Variants in MEGF10 observed in about 807,000 individuals in gnomAD.
MEGF10 encodes multiple epidermal growth factor-like domains protein 10.
In MEGF10, 86 loss-of-function variants were observed where a neutral mutation model predicts 147.5. The ratio of observed to expected loss-of-function variants is 0.58; its 90% CI spans 0.49 to 0.70. The LOEUF (loss-of-function observed/expected upper bound fraction) is 0.70, where lower values mean the gene tolerates loss of function less well. Ranked by LOEUF, MEGF10 falls within the 30% of genes least tolerant of loss-of-function variation. The pLI is 0.00. For synonymous variants in MEGF10, 478 were observed against 525.5 expected (o/e 0.91, Z 1.24); for missense variants, 1,329 against 1,487.3 (o/e 0.89, Z 1.75).
At chr5:127,399,039 A>C (rs994792932) in intron 7 of MEGF10, among the ~76,000 whole-genome samples, 2 of 152,236 alleles carry the variant, frequency 1.3e-5, no homozygotes, top group African/African-American at 4.8e-5. Context: ...GGTAGTGGCC[A>C]TCTGTCCTGC....
Position 127,457,261 on chromosome 5 carries a change from C to G in MEGF10, c.3366C>G (p.Ser1122=), listed in dbSNP as rs1332770226. ...DLLPVRDSSS[S]PKQEDSGGSS... is the part of the protein sequence containing the mutation. ...TGCCAGTCCGAGACAGTTCATCCTC[C>G]CCTAAGCAAGAGGACAGTGGTGGTA... The change falls in exon 25 of 25, where the codon TCC becomes TCG. Residue 1122 remains serine (S), a synonymous_variant. Transcript: ENST00000503335. 6.2e-7 allele frequency: 1 copy of G among 1,613,992 alleles called. No individual in the cohort carries two copies. The highest frequency in any genetic ancestry group is 1.3e-5 in the African/African-American group (1 of 74,918).
At chr5:127,282,781 G>A in the MEGF10 span, among the ~76,000 whole-genome samples, 1 of 152,196 alleles carries the variant, frequency 6.6e-6, no homozygotes, top group Non-Finnish European at 1.5e-5. Flanking sequence ...CACTATGGAA[G>A]TTTGAAGGGC....
At chr5:127,315,942 A>G (rs1760530261) in intron 1 of MEGF10, among the ~76,000 whole-genome samples, 1 of 152,238 alleles carries the variant, frequency 6.6e-6, no homozygotes, top group Non-Finnish European at 1.5e-5. Flanking sequence ...AGACCGTAGC[A>G]ATCTGCTAAT....
chr5:127,376,210 A>C (rs1763020340), intron 5 of MEGF10, among the ~76,000 whole-genome samples: 9 of 152,192 alleles, frequency 5.9e-5, no homozygotes, highest in Admixed American at 5.9e-4. Context: ...GAAGCAAAGA[A>C]ATAGAGAGTT....
the MEGF10 span, among the ~76,000 whole-genome samples, chr5:127,273,935 T>G: frequency 6.6e-6 from 1 of 152,246 alleles, no homozygotes; most frequent in Admixed American, 6.5e-5. Context: ...CTCATTTCTT[T>G]GTTCACACCA....
At chr5:127,430,289 A>G (rs1765349752) in intron 13 of MEGF10, among the ~76,000 whole-genome samples, 1 of 152,222 alleles carries the variant, frequency 6.6e-6, no homozygotes, top group Non-Finnish European at 1.5e-5. Flanking sequence ...AGAAACAAAA[A>G]GATGTTTTGT....
At chr5:127,309,473 C>T (rs1043703446) in intron 1 of MEGF10, among the ~76,000 whole-genome samples, 1 of 152,144 alleles carries the variant, frequency 6.6e-6, no homozygotes, top group Non-Finnish European at 1.5e-5. Flanking sequence ...CCTTGGCAAC[C>T]ACCATTCTAC....
chr5:127,377,492 TC>T (rs1228649341), intron 5 of MEGF10, among the ~76,000 whole-genome samples: 1 of 152,166 alleles, frequency 6.6e-6, no homozygotes, highest in African/African-American at 2.4e-5. Flanking sequence ...CTAATAGCAT[TC>T]CGGTTAAATA....
chr5:127,447,167 G>A (rs905149225), intron 20 of MEGF10, among the ~76,000 whole-genome samples: 2 of 151,944 alleles, frequency 1.3e-5, no homozygotes, highest in African/African-American at 4.8e-5. Context: ...CATTTGTTCA[G>A]TTATTTATTT....
chr5:127,246,681 G>C, the MEGF10 span, among the ~76,000 whole-genome samples: 6 of 148,912 alleles, frequency 4.0e-5, no homozygotes, highest in African/African-American at 1.5e-4. Flanking sequence ...GAAACTAAGT[G>C]AAATTTACAA....
At chr5:127,371,567 C>T (rs2126864768) in intron 5 of MEGF10, among the ~76,000 whole-genome samples, 1 of 152,164 alleles carries the variant, frequency 6.6e-6, no homozygotes, top group African/African-American at 2.4e-5. Flanking sequence ...CCACTAATTC[C>T]AGGGCAAGAA....
rs536413560 is a variant in MEGF10, at chr5:127,345,372, T to C, written c.319+4742T>C. ...GAACCCTCAGGCTGTGTGGAACTCC[T>C]GGTCCACAGAGCAGACTTTGACTAA... On this transcript the variant is annotated intron_variant, in intron 4 of 24. Transcript: ENST00000503335. Among the ~76,000 whole-genome samples the C allele has an allele frequency of 1.8e-3, 274 of 152,238 alleles. 10 individuals carry two copies. The South Asian group carries it at 0.054, about 30-fold the overall frequency.
At chr5:127,449,769 G>A (rs1766086604) in intron 22 of MEGF10, among the ~76,000 whole-genome samples, 1 of 152,160 alleles carries the variant, frequency 6.6e-6, no homozygotes, top group Admixed American at 6.5e-5. Context: ...CAGTGGATCA[G>A]TGGTTCGGGC....
intron 4 of MEGF10, among the ~76,000 whole-genome samples, chr5:127,368,191 G>A (rs1050828464): frequency 6.6e-6 from 1 of 152,146 alleles, no homozygotes. Flanking sequence ...GGGCCAGTGT[G>A]TTCATATGTT....
chr5:127,443,247 T>C (rs1437125117), intron 19 of MEGF10, 121 bp downstream of exon 19: 2 of 1,072,098 alleles, frequency 1.9e-6, no homozygotes, highest in Non-Finnish European at 2.5e-6. Flanking sequence ...CTAAATGGCA[T>C]AATTGGTTAC....
intron 9 of MEGF10, among the ~76,000 whole-genome samples, chr5:127,410,968 T>C (rs1315556812): frequency 6.6e-6 from 1 of 152,100 alleles, no homozygotes; most frequent in Non-Finnish European, 1.5e-5. Context: ...AAATTTAGTA[T>C]GCAAAAATAT....
At position 127,315,227 on chromosome 5, in the gene MEGF10, G is replaced by GT. The variant is rs151063457; in HGVS notation, c.-18-16058dup. ...TATCAGAACCTGCTTAAAATTAAAG[G>GT]TTTTTTCCCCATAAAAACTGTAATT... On this transcript the variant is annotated intron_variant, in intron 1 of 24. Coordinates refer to ENST00000503335, the MANE Select transcript of MEGF10 (RefSeq NM_001256545.2). 3.4e-3 allele frequency among the ~76,000 whole-genome samples: 518 copies of GT among 151,982 alleles called. 2 individuals carry two copies. The highest frequency in any genetic ancestry group is 0.012 in the African/African-American group (499 of 41,424).
chr5:127,420,013 G>A (rs372207921), intron 11 of MEGF10, 31 bp from the exon 12 acceptor site: 41 of 1,608,172 alleles, frequency 2.5e-5, no homozygotes, highest in Admixed American at 8.4e-5. Context: ...GCCTTTGTTC[G>A]CTCACGTGCT....
the MEGF10 span, among the ~76,000 whole-genome samples, chr5:127,264,530 G>C: frequency 6.6e-6 from 1 of 152,086 alleles, no homozygotes. Context: ...TGCAGGCAAG[G>C]TTGGATCTAG....
Sources: allele counts gnomAD v4.1 joint callset (sites outside exome capture counted in the v4.1 genomes callset), GRCh38; gene constraint gnomAD v4.1.1; transcripts MANE v1.5; gene names NCBI Gene and HGNC (gene_info 2026-07-23, HGNC 2026-07-21).